ANKFY1: variants seen among roughly 807,000 people sequenced by gnomAD.
The protein encoded by ANKFY1 is ankyrin repeat and FYVE domain containing 1.
In ANKFY1, 47 loss-of-function variants were observed where a neutral mutation model predicts 128.3. The ratio of observed to expected loss-of-function variants is 0.37; its 90% CI spans 0.29 to 0.47. The LOEUF (loss-of-function observed/expected upper bound fraction) is 0.47, where lower values mean the gene tolerates loss of function less well. ANKFY1 is among the 20% of genes least tolerant of loss of function. The pLI is 1.00. For synonymous variants in ANKFY1, 553 were observed against 601.6 expected, an observed-to-expected ratio of 0.92 and a Z score of 1.18; for missense variants, 1,222 against 1,510.6, an observed-to-expected ratio of 0.81 and a Z score of 3.17.
At chr17:4,228,891 C>T (rs1345462760) in intron 3 of ANKFY1, among the ~76,000 whole-genome samples, 1 of 152,174 alleles carries the variant, frequency 6.6e-6, no homozygotes, top group African/African-American at 2.4e-5. Flanking sequence ...GTTAATGGCA[C>T]GAATTCTGCA....
chr17:4,202,522 C>A (rs940357054), intron 7 of ANKFY1, among the ~76,000 whole-genome samples: 1 of 149,682 alleles, frequency 6.7e-6, no homozygotes, highest in Non-Finnish European at 1.5e-5. Flanking sequence ...CACGGTGAAA[C>A]CCCGTCTCTA....
At chr17:4,173,315 C>A in intron 21 of ANKFY1, 39 bp downstream of exon 21, 1 of 1,594,236 alleles carries the variant, frequency 6.3e-7, no homozygotes, top group Non-Finnish European at 8.6e-7. Context: ...GAGCAGCAGG[C>A]CAGGCGCCGC....
chr17:4,210,963 C>T (rs1484301169), intron 4 of ANKFY1, among the ~76,000 whole-genome samples: 5 of 151,838 alleles, frequency 3.3e-5, no homozygotes, highest in Non-Finnish European at 7.4e-5. Context: ...ACCCAGGAGG[C>T]GGAGATTGCA....
intron 23 of ANKFY1, 50 bp downstream of exon 23, chr17:4,170,665 C>T: frequency 1.9e-6 from 3 of 1,562,032 alleles, no homozygotes; most frequent in Non-Finnish European, 2.6e-6. Flanking sequence ...ATGGCGATCC[C>T]AACACTACGA....
chr17:4,263,810 G>A (rs996522172), intron 1 of ANKFY1, 122 bp downstream of exon 1: 31 of 1,606,066 alleles, frequency 1.9e-5, no homozygotes, highest in African/African-American at 2.7e-5. Context: ...AGGAAGGCTC[G>A]CGAGACCCGC....
intron 1 of ANKFY1, among the ~76,000 whole-genome samples, chr17:4,248,638 C>T (rs966325657): frequency 1.3e-5 from 2 of 152,144 alleles, no homozygotes; most frequent in African/African-American, 4.8e-5. Context: ...TTCTTTGTCC[C>T]CTTCCAACTT....
At chr17:4,236,607 AC>A (rs1320395555) in intron 2 of ANKFY1, among the ~76,000 whole-genome samples, 2 of 152,220 alleles carry the variant, frequency 1.3e-5, no homozygotes, top group Non-Finnish European at 2.9e-5. Context: ...TGGGCAGTTA[AC>A]AAAAACGTCA....
chr17:4,243,516 A>AG (rs1334931449), intron 1 of ANKFY1, among the ~76,000 whole-genome samples: 1 of 152,170 alleles, frequency 6.6e-6, no homozygotes, highest in Admixed American at 6.6e-5. Context: ...CTTCATGACA[A>AG]GCCTATGAGG....
At chr17:4,233,367 TAAA>T (rs553041541) in intron 3 of ANKFY1, among the ~76,000 whole-genome samples, 1 of 142,946 alleles carries the variant, frequency 7.0e-6, no homozygotes, top group African/African-American at 2.6e-5. Context: ...CACTATGCTT[TAAA>T]AAAAAAAAAA....
chr17:4,214,118 A>G (rs1003513922), intron 4 of ANKFY1, among the ~76,000 whole-genome samples: 10 of 152,230 alleles, frequency 6.6e-5, no homozygotes, highest in African/African-American at 1.9e-4. Context: ...TCAGGAAGTA[A>G]TAACTCACAT....
At chr17:4,183,255 C>T (rs1598027179) in intron 14 of ANKFY1, 143 bp downstream of exon 14, 19 of 938,046 alleles carry the variant, frequency 2.0e-5, no homozygotes, top group Admixed American at 4.6e-5. Context: ...GTGATGACAC[C>T]GCAGTTGTGT....
At chr17:4,260,575 G>A (rs890212223) in intron 1 of ANKFY1, among the ~76,000 whole-genome samples, 4 of 132,476 alleles carry the variant, frequency 3.0e-5, no homozygotes, top group South Asian at 4.7e-4. Flanking sequence ...CTGTGATCAC[G>A]CCATTGTACT....
chr17:4,223,492 C>T (rs1598104958), intron 3 of ANKFY1: 16 of 1,161,276 alleles, frequency 1.4e-5, no homozygotes, highest in South Asian at 1.1e-4. Context: ...CATGGACTAT[C>T]ACTGTCTGGG....
intron 13 of ANKFY1, 74 bp from the exon 14 acceptor site, chr17:4,183,625 C>G: frequency 2.5e-6 from 4 of 1,571,070 alleles, no homozygotes; most frequent in Admixed American, 1.7e-5. Flanking sequence ...AACAGCCAGA[C>G]CCTCTCAGCT....
At chr17:4,238,283 C>CA (rs1967015745) in intron 2 of ANKFY1, among the ~76,000 whole-genome samples, 1 of 150,704 alleles carries the variant, frequency 6.6e-6, no homozygotes, top group South Asian at 2.1e-4. Flanking sequence ...AATCTTTCAA[C>CA]AAAATGCATG....
intron 4 of ANKFY1, chr17:4,216,487 C>A (rs2060222781): frequency 5.4e-6 from 1 of 183,956 alleles, no homozygotes; most frequent in South Asian, 1.1e-4. Flanking sequence ...CATGCTATCT[C>A]CTTGACAACC....
At chr17:4,247,994 C>G (rs909203531) in intron 1 of ANKFY1, among the ~76,000 whole-genome samples, 1 of 152,232 alleles carries the variant, frequency 6.6e-6, no homozygotes, top group Admixed American at 6.5e-5. Context: ...TCCCTGCACA[C>G]TGATAGCCCA....
chr17:4,182,350 C>T lies in ANKFY1; in HGVS notation c.1953-1G>A, dbSNP rs1217669526. The T allele has an allele frequency of 3.2e-6, 5 of 1,556,072 alleles. No individual in the cohort carries two copies. Among genetic ancestry groups the T allele is most frequent in the Non-Finnish European group, 4.4e-6 (5 of 1,145,614 alleles). On this transcript the variant is annotated splice_acceptor_variant, in intron 14 of 24. Coordinates refer to ENST00000341657, the MANE Select transcript of ANKFY1 (RefSeq NM_001330063.2). LOFTEE classifies it high-confidence loss of function. ...GAGGGCTGTCTCCCCGTCCTGAGTC[C>T]TGCTAGGACATGCACACCCAAACCA...
chr17:4,195,452 T>G lies in ANKFY1; in HGVS notation c.1123A>C (p.Ile375Leu), dbSNP rs199871848. 28 of 1,613,994 alleles carry G rather than the reference T, an allele frequency of 1.7e-5. No homozygotes were observed. Among genetic ancestry groups the G allele is most frequent in the Admixed American group, 1.7e-4 (10 of 59,988 alleles). ...SKGRTPLHVS[I>L]MAGNEYVFSQ... ...AACACATATTCATTCCCGGCCATGA[T>G]GGACACATGTAAAGGAGTCCTGCGG... The change falls in exon 9 of 25, where the codon ATC becomes CTC. Residue 375 changes from isoleucine (I) to leucine (L), a missense_variant. Ile to Leu is a conservative substitution (Grantham distance 5). Coordinates refer to ENST00000341657, the MANE Select transcript of ANKFY1 (RefSeq NM_001330063.2).
Sources: gnomAD v4.1 joint callset for allele counts (sites outside exome capture counted in the v4.1 genomes callset) on GRCh38, gnomAD v4.1.1 for gene constraint, MANE v1.5 for transcripts, NCBI Gene and HGNC (gene_info 2026-07-23, HGNC 2026-07-21) for gene names.